The following EPHA6 variants were observed in gnomAD, a reference collection of about 807,000 sequenced individuals.
EPHA6 encodes ephrin type-A receptor 6.
Under a neutral mutation model 112.0 loss-of-function variants are expected in EPHA6, and 50 were observed. That is an observed-to-expected ratio of 0.45 (90% confidence interval 0.36 to 0.56). EPHA6 has a LOEUF of 0.56. Ranked by LOEUF, EPHA6 falls within the 20% of genes least tolerant of loss-of-function variation. EPHA6 has a pLI of 0.00. For synonymous variants in EPHA6, 529 were observed against 490.7 expected (o/e 1.08, Z -1.03); for missense variants, 1,280 against 1,417.4 (o/e 0.90, Z 1.56).
chr3:97,460,720 C>T (rs1166109970), intron 7 of EPHA6, among the ~76,000 whole-genome samples: 1 of 152,136 alleles, frequency 6.6e-6, no homozygotes, highest in Non-Finnish European at 1.5e-5. Flanking sequence ...AAGACCCATG[C>T]CCATTGTGTC....
chr3:97,439,262 T>C (rs1372019108), intron 6 of EPHA6, among the ~76,000 whole-genome samples: 4 of 152,172 alleles, frequency 2.6e-5, no homozygotes, highest in African/African-American at 4.8e-5. Context: ...GAGTTGATTG[T>C]AGTAAATTAT....
intron 5 of EPHA6, among the ~76,000 whole-genome samples, chr3:97,350,129 T>C (rs1457102722): frequency 6.6e-6 from 1 of 151,992 alleles, no homozygotes; most frequent in Non-Finnish European, 1.5e-5. Flanking sequence ...TTTTCACTCT[T>C]CCAGCTTTGG....
intron 7 of EPHA6, among the ~76,000 whole-genome samples, chr3:97,453,809 A>T (rs983971848): frequency 6.6e-6 from 1 of 151,722 alleles, no homozygotes; most frequent in Admixed American, 6.6e-5. Context: ...ATTATCCTAA[A>T]AAATAAGATG....
At chr3:96,926,948 G>GT (rs2040067241) in intron 2 of EPHA6, among the ~76,000 whole-genome samples, 1 of 152,204 alleles carries the variant, frequency 6.6e-6, no homozygotes, top group Non-Finnish European at 1.5e-5. Flanking sequence ...CTGTGTGGGG[G>GT]CGTCAACCCC....
At chr3:97,160,260 C>G (rs560726494) in intron 3 of EPHA6, among the ~76,000 whole-genome samples, 1 of 152,024 alleles carries the variant, frequency 6.6e-6, no homozygotes, top group East Asian at 1.9e-4. Context: ...TGTGCATTCA[C>G]CTAGGACACA....
chr3:97,742,097 T>G (rs2107880208), intron 16 of EPHA6, among the ~76,000 whole-genome samples: 1 of 152,238 alleles, frequency 6.6e-6, no homozygotes, highest in East Asian at 1.9e-4. Flanking sequence ...TCCTCAGGCA[T>G]TTCTGTAGAT....
chr3:96,823,374 ATT>A (rs2033417408), intron 1 of EPHA6, among the ~76,000 whole-genome samples: 2 of 151,736 alleles, frequency 1.3e-5, no homozygotes, highest in Non-Finnish European at 3.0e-5. Context: ...AAATGATTCT[ATT>A]TGTTAAGGAT....
chr3:96,849,482 T>C (rs2035263987), intron 1 of EPHA6, among the ~76,000 whole-genome samples: 1 of 152,200 alleles, frequency 6.6e-6, no homozygotes, highest in African/African-American at 2.4e-5. Context: ...TAAGTCTTGC[T>C]GTGTTAATTT....
intron 10 of EPHA6, among the ~76,000 whole-genome samples, chr3:97,527,578 T>G: frequency 6.6e-6 from 1 of 152,100 alleles, no homozygotes; most frequent in East Asian, 1.9e-4. Flanking sequence ...ACACAGACCC[T>G]ATATTGGACA....
At chr3:97,026,670 G>A (rs1029202700) in intron 3 of EPHA6, among the ~76,000 whole-genome samples, 7 of 152,046 alleles carry the variant, frequency 4.6e-5, no homozygotes, top group African/African-American at 1.7e-4. Context: ...CATACATGTG[G>A]CCAATAGAAA....
At chr3:96,904,811 GGAT>G (rs2038839085) in intron 2 of EPHA6, among the ~76,000 whole-genome samples, 1 of 151,994 alleles carries the variant, frequency 6.6e-6, no homozygotes, top group Non-Finnish European at 1.5e-5. Context: ...TTGATGTACA[GGAT>G]GATGACATGC....
rs893558113 is a variant in EPHA6 at position 97,751,784 on chromosome 3, T to A, written c.*3083T>A. ...TAATCTTTGATACCTAAAATATGCA[T>A]ATAGACTCACATACCTACTTTATTT... is the stretch of plus-strand genomic sequence containing the variant. On this transcript the variant is annotated 3_prime_UTR_variant, in exon 18 of 18. Transcript: ENST00000389672. Among the ~76,000 whole-genome samples the A allele has an allele frequency of 2.2e-4, 34 of 152,176 alleles. No homozygotes were observed. Among genetic ancestry groups the A allele is most frequent in the African/African-American group, 7.7e-4 (32 of 41,450 alleles).
chr3:96,866,044 AT>A (rs1367679579), intron 1 of EPHA6, among the ~76,000 whole-genome samples: 2 of 152,048 alleles, frequency 1.3e-5, no homozygotes, highest in East Asian at 1.9e-4. Flanking sequence ...ATAAAAAAAA[AT>A]CTTATCATAT....
At chr3:97,422,616 A>T (rs2088763375) in intron 6 of EPHA6, among the ~76,000 whole-genome samples, 1 of 152,200 alleles carries the variant, frequency 6.6e-6, no homozygotes, top group African/African-American at 2.4e-5. Flanking sequence ...GCATCCACTG[A>T]ACAACATACA....
chr3:97,205,040 A>G (rs886329615), intron 3 of EPHA6, among the ~76,000 whole-genome samples: 2 of 152,136 alleles, frequency 1.3e-5, no homozygotes, highest in African/African-American at 4.8e-5. Context: ...ACTTCCTTCA[A>G]ACCATCAACT....
chr3:97,396,857 C>T (rs2086722444), intron 5 of EPHA6, among the ~76,000 whole-genome samples: 2 of 151,780 alleles, frequency 1.3e-5, no homozygotes, highest in Non-Finnish European at 2.9e-5. Flanking sequence ...AGGATTTCTT[C>T]AGCTATCTCC....
chr3:96,978,492 A>T (rs1329291658), intron 2 of EPHA6, among the ~76,000 whole-genome samples: 3 of 152,186 alleles, frequency 2.0e-5, no homozygotes, highest in South Asian at 4.1e-4. Flanking sequence ...AGGCTTTTAG[A>T]TCTATATCAA....
At chr3:97,060,858 A>G (rs1312450943) in intron 3 of EPHA6, among the ~76,000 whole-genome samples, 4 of 138,660 alleles carry the variant, frequency 2.9e-5, no homozygotes, top group African/African-American at 1.1e-4. Flanking sequence ...CGGGAGGCGG[A>G]GCTTACAGTG....
At chr3:96,933,992 ATATTAT>A (rs1335128298) in intron 2 of EPHA6, among the ~76,000 whole-genome samples, 2 of 151,998 alleles carry the variant, frequency 1.3e-5, no homozygotes, top group South Asian at 4.1e-4. Flanking sequence ...ATTTGAGGTG[ATATTAT>A]TATTTTATGT....
Sources: allele counts gnomAD v4.1 joint callset (sites outside exome capture counted in the v4.1 genomes callset), GRCh38; gene constraint gnomAD v4.1.1; transcripts MANE v1.5; gene names NCBI Gene and HGNC (gene_info 2026-07-23, HGNC 2026-07-21).